The following CADPS variants were observed in gnomAD, a reference collection of about 807,000 sequenced individuals.
The protein encoded by CADPS is calcium-dependent secretion activator 1.
A neutral mutation model predicts 167.3 loss-of-function variants in CADPS; 57 were observed. That is an observed-to-expected ratio of 0.34 (90% CI 0.28 to 0.42). The LOEUF is 0.42. Among genes scored for constraint, CADPS ranks in the 20% least tolerant of loss-of-function variants. The pLI is 1.00. For synonymous variants in CADPS, 676 were observed against 635.3 expected (o/e 1.06, Z -0.96); for missense variants, 1,414 against 1,738.1 (o/e 0.81, Z 3.32).
At chr3:62,789,372 A>C (rs1489699478) in intron 1 of CADPS, among the ~76,000 whole-genome samples, 1 of 152,230 alleles carries the variant, frequency 6.6e-6, no homozygotes, top group Non-Finnish European at 1.5e-5. Flanking sequence ...CAATGTTCTT[A>C]ATAAACCCAT....
chr3:62,461,510 C>T (rs2059346800), intron 26 of CADPS, among the ~76,000 whole-genome samples: 1 of 152,156 alleles, frequency 6.6e-6, no homozygotes, highest in African/African-American at 2.4e-5. Flanking sequence ...CCTTTGCCCT[C>T]TCCAGTCAAG....
chr3:62,650,108 A>G (rs2069709157), intron 5 of CADPS, among the ~76,000 whole-genome samples: 1 of 152,178 alleles, frequency 6.6e-6, no homozygotes, highest in Non-Finnish European at 1.5e-5. Context: ...TGGAGTTGCT[A>G]GATCATATGG....
intron 6 of CADPS, among the ~76,000 whole-genome samples, chr3:62,630,389 G>A (rs1194216552): frequency 6.6e-6 from 1 of 152,140 alleles, no homozygotes; most frequent in Non-Finnish European, 1.5e-5. Flanking sequence ...CACCCAAGCT[G>A]GAGTGCAGTG....
chr3:62,717,943 C>A (rs2084997405), intron 3 of CADPS, among the ~76,000 whole-genome samples: 2 of 152,150 alleles, frequency 1.3e-5, no homozygotes, highest in Non-Finnish European at 2.9e-5. Context: ...CTTGCTGTTC[C>A]CTCTACCTGG....
rs546139437 is a variant in CADPS, at chr3:62,676,459, C to T, written c.889-14065G>A. ...TTCAACCTGTAATGGTCATCATTAT[C>T]GACTCAGTTGATTAAGGATGACAGG... is the stretch of plus-strand genomic sequence containing the variant. On this transcript the variant is annotated intron_variant, in intron 3 of 29. Coordinates refer to ENST00000383710, the MANE Select transcript of CADPS (RefSeq NM_003716.4). Among the ~76,000 whole-genome samples, 49 of 152,154 alleles carry T rather than the reference C, an allele frequency of 3.2e-4. No homozygotes were observed. In the South Asian group the frequency reaches 5.8e-3, roughly 18 times the overall value.
At chr3:62,489,059 T>A (rs763030231) in intron 21 of CADPS, among the ~76,000 whole-genome samples, 20 of 152,352 alleles carry the variant, frequency 1.3e-4, no homozygotes, top group Non-Finnish European at 2.6e-4. Context: ...ATCCCTAGAC[T>A]AAGATTTCCA....
chr3:62,791,906 T>C (rs1040183404), intron 1 of CADPS, among the ~76,000 whole-genome samples: 1 of 152,220 alleles, frequency 6.6e-6, no homozygotes, highest in Non-Finnish European at 1.5e-5. Context: ...GCCTGGCATA[T>C]AGCATGTACC....
At chr3:62,738,194 T>C (rs915994890) in intron 3 of CADPS, among the ~76,000 whole-genome samples, 2 of 152,156 alleles carry the variant, frequency 1.3e-5, no homozygotes, top group Non-Finnish European at 2.9e-5. Flanking sequence ...GATTTTATGG[T>C]AATCAAAACA....
chr3:62,588,421 C>T (rs1229771853), intron 7 of CADPS, among the ~76,000 whole-genome samples: 3 of 150,926 alleles, frequency 2.0e-5, no homozygotes, highest in African/African-American at 7.3e-5. Context: ...CCTATTTGCT[C>T]TGTGCACAGG....
At chr3:62,423,990 G>T (rs775128647) in intron 28 of CADPS, among the ~76,000 whole-genome samples, 3 of 152,144 alleles carry the variant, frequency 2.0e-5, no homozygotes, top group Non-Finnish European at 4.4e-5. Flanking sequence ...CTTTCCTCGT[G>T]TTTTCCTCTT....
intron 3 of CADPS, among the ~76,000 whole-genome samples, chr3:62,697,988 G>GA (rs1431820335): frequency 6.6e-6 from 1 of 151,648 alleles, no homozygotes; most frequent in African/African-American, 2.4e-5. Flanking sequence ...GTAGATTCTG[G>GA]ATATTAGTCC....
chr3:62,557,534 G>T (rs775203030), intron 9 of CADPS, 21 bp from the exon 10 acceptor site: 37 of 1,579,662 alleles, frequency 2.3e-5, no homozygotes, highest in Non-Finnish European at 3.0e-5. Flanking sequence ...AAAGCAGATT[G>T]TGAGGTTGAC....
At chr3:62,809,763 G>A (rs780791679) in intron 1 of CADPS, among the ~76,000 whole-genome samples, 104 of 152,254 alleles carry the variant, frequency 6.8e-4, no homozygotes, top group Non-Finnish European at 1.1e-3. Context: ...CTGGCACAGT[G>A]CCTGTCATAC....
chr3:62,678,813 A>G (rs976638303), intron 3 of CADPS, among the ~76,000 whole-genome samples: 2 of 151,126 alleles, frequency 1.3e-5, no homozygotes, highest in African/African-American at 4.9e-5. Context: ...GGAGACATAA[A>G]TATTGGTGGA....
At chr3:62,475,140 G>A (rs1447065385) in intron 23 of CADPS, among the ~76,000 whole-genome samples, 1 of 152,156 alleles carries the variant, frequency 6.6e-6, no homozygotes, top group African/African-American at 2.4e-5. Context: ...ACATAATTCT[G>A]ACATTGGTCA....
intron 6 of CADPS, among the ~76,000 whole-genome samples, chr3:62,628,928 C>A (rs1232953418): frequency 6.6e-6 from 1 of 152,088 alleles, no homozygotes; most frequent in Non-Finnish European, 1.5e-5. Flanking sequence ...CCTGGCCAAC[C>A]ATGAGCCTTT....
At chr3:62,774,310 A>C (rs762655006) in intron 1 of CADPS, among the ~76,000 whole-genome samples, 56 of 152,050 alleles carry the variant, frequency 3.7e-4, no homozygotes, top group Non-Finnish European at 7.1e-4. Context: ...CATTTTTCCA[A>C]CTTGGAGGCA....
intron 1 of CADPS, among the ~76,000 whole-genome samples, chr3:62,846,336 A>G (rs2077428919): frequency 6.6e-6 from 1 of 152,202 alleles, no homozygotes. Context: ...TTGTGCTTCC[A>G]TGTGTAATGT....
At position 62,569,381 on chromosome 3, in the gene CADPS, C is replaced by T. The variant is rs541147627; in HGVS notation, c.1644+1491G>A. 7.2e-5 allele frequency among the ~76,000 whole-genome samples: 11 copies of T among 152,304 alleles called. No individual in the cohort carries two copies. The East Asian group carries it at 2.1e-3, about 29-fold the overall frequency. On this transcript the variant is annotated intron_variant, in intron 9 of 29. Transcript: ENST00000383710. ...CTTCCCAAAGTGCTGGGATTACAGG[C>T]GTGAGCCACCGTGCTGGGCAGCCGT...
Sources: allele counts gnomAD v4.1 joint callset (sites outside exome capture counted in the v4.1 genomes callset), GRCh38; gene constraint gnomAD v4.1.1; transcripts MANE v1.5; gene names NCBI Gene and HGNC (gene_info 2026-07-23, HGNC 2026-07-21).